Variants in CLCN6 observed in about 807,000 individuals in gnomAD.
CLCN6 encodes the protein Cl-/H+ antiporter 6.
Under a neutral mutation model 109.8 loss-of-function variants are expected in CLCN6, and 70 were observed. The ratio of observed to expected loss-of-function variants is 0.64; its 90% CI spans 0.53 to 0.78. CLCN6 has a LOEUF of 0.78. Among genes scored for constraint, CLCN6 ranks in the 30% least tolerant of loss-of-function variants. The pLI is 0.00. For missense variants in CLCN6, 984 were observed against 1,142.3 expected, an observed-to-expected ratio of 0.86 and a Z score of 2.00; for synonymous variants, 444 against 447.8, an observed-to-expected ratio of 0.99 and a Z score of 0.11.
chr1:11,828,739 A>G (rs1644844846), intron 12 of CLCN6, 115 bp downstream of exon 12: 2 of 1,122,992 alleles, frequency 1.8e-6, no homozygotes, highest in Non-Finnish European at 1.3e-6. Context: ...TTTCTCATCT[A>G]AGACTGAGAA....
At chr1:11,817,768 T>G (rs1157752221) in intron 4 of CLCN6, among the ~76,000 whole-genome samples, 1 of 144,358 alleles carries the variant, frequency 6.9e-6, no homozygotes, top group Non-Finnish European at 1.5e-5. Flanking sequence ...AATGTACACA[T>G]GTGTTCGGTA....
chr1:11,836,485 AAG>A (rs1644951817), intron 18 of CLCN6, among the ~76,000 whole-genome samples: 2 of 152,154 alleles, frequency 1.3e-5, no homozygotes, highest in Non-Finnish European at 2.9e-5. Flanking sequence ...CTCCTTAAGA[AAG>A]AGAAAGAAAT....
At position 11,834,158 on chromosome 1, in the gene CLCN6, A is replaced by C; in HGVS notation, c.1527-78A>C. 1.3e-6 allele frequency: 2 copies of C among 1,595,106 alleles called. No homozygotes were observed. The highest frequency in any genetic ancestry group is 1.7e-6 in the Non-Finnish European group (2 of 1,171,366). On this transcript the variant is annotated intron_variant, in intron 15 of 22. Transcript: ENST00000346436. This position sits in a 1 kb window ranked among gnomAD's most constrained non-coding sequence, Gnocchi z 4.5. ...TGCATGCACATATGTGCATAGGCAC[A>C]AGAGTATGAGCTGTAGGTCCTCCCC...
intron 14 of CLCN6, 48 bp downstream of exon 14, chr1:11,833,686 G>A (rs937451811): frequency 2.1e-5 from 33 of 1,609,392 alleles, no homozygotes; most frequent in East Asian, 8.9e-5. Flanking sequence ...GTGTCATCTC[G>A]GACACAGCCA....
intron 17 of CLCN6, among the ~76,000 whole-genome samples, chr1:11,835,462 A>G (rs918763026): frequency 1.3e-5 from 2 of 152,050 alleles, no homozygotes; most frequent in Non-Finnish European, 2.9e-5. Context: ...TTTTATAGAA[A>G]TGGGGTTTTG....
rs1186965132 is a variant in CLCN6 at position 11,839,611 on chromosome 1, T to TA, written c.2530-531dup. ...AACCCTGGCATGCATAGTGCGTACT[T>TA]ACACAGGTTTTGTTGCAGTAGGTTA... On this transcript the variant is annotated intron_variant, in intron 22 of 22. Coordinates refer to ENST00000346436, the MANE Select transcript of CLCN6 (RefSeq NM_001286.5). Among the ~76,000 whole-genome samples, 5 of 152,362 alleles carry TA rather than the reference T, an allele frequency of 3.3e-5. No homozygotes were observed. The East Asian group carries it at 5.8e-4, about 18-fold the overall frequency.
rs1482046070 is a variant in CLCN6, at chr1:11,837,170, G to A, written c.2138+14G>A. ...GCTGGAAAGGAGGTGAGAGCCTGGC[G>A]GGGCCCCCACTGCCCGCAGGGCTAC... is the stretch of plus-strand genomic sequence containing the variant. On this transcript the variant is annotated intron_variant, in intron 19 of 22. Transcript: ENST00000346436. The A allele has an allele frequency of 2.3e-5, 37 of 1,610,972 alleles. No homozygotes were observed. The highest frequency in any genetic ancestry group is 4.5e-5 in the East Asian group (2 of 44,846).
intron 2 of CLCN6, among the ~76,000 whole-genome samples, chr1:11,811,353 TCA>T (rs1225365756): frequency 3.3e-5 from 5 of 152,278 alleles, no homozygotes; most frequent in African/African-American, 1.2e-4. Context: ...ATTAGTATAT[TCA>T]CAGAGTTGTA....
intron 1 of CLCN6, 22 bp downstream of exon 1, chr1:11,806,371 C>A: frequency 6.7e-7 from 1 of 1,497,888 alleles, no homozygotes; most frequent in South Asian, 1.3e-5. Context: ...GCGGAGTCGG[C>A]CTGGGGAGGG....
chr1:11,825,696 C>A (rs989970564), intron 8 of CLCN6, among the ~76,000 whole-genome samples: 1 of 152,212 alleles, frequency 6.6e-6, no homozygotes, highest in African/African-American at 2.4e-5. Flanking sequence ...CATCTCTGCT[C>A]ACTACAGCCT....
At chr1:11,825,233 G>T (rs931370214) in intron 8 of CLCN6, among the ~76,000 whole-genome samples, 2 of 152,180 alleles carry the variant, frequency 1.3e-5, no homozygotes, top group African/African-American at 4.8e-5. Flanking sequence ...GAGTTATTGT[G>T]GTTGGGAGTC....
chr1:11,828,414 G>A, intron 11 of CLCN6, 44 bp from the exon 12 acceptor site: 2 of 1,609,020 alleles, frequency 1.2e-6, no homozygotes, highest in Non-Finnish European at 1.7e-6. Context: ...GGTTCTCATG[G>A]CTGCTATGGT....
Position 11,806,556 on chromosome 1 carries a change from G to A in CLCN6, c.87+207G>A, listed in dbSNP as rs1262291348. 6.3e-6 allele frequency: 3 copies of A among 475,416 alleles called. No individual in the cohort carries two copies. In the East Asian group the frequency reaches 1.1e-4, roughly 17 times the overall value. The allele number at this position is 475,416 out of a possible 1,614,324, so 29.4% of individuals were successfully genotyped here. A position where few individuals can be genotyped will look rare whatever the true frequency, so the allele number is the denominator to read the frequency against. On this transcript the variant is annotated intron_variant, in intron 1 of 22. Transcript: ENST00000346436. ...CTCATAACCCCTCCTGGAATCTGAG[G>A]GAGAATCCAGGCCAGCTCCAGTAAA...
At chr1:11,835,311 C>T (rs1644930234) in intron 17 of CLCN6, among the ~76,000 whole-genome samples, 1 of 152,282 alleles carries the variant, frequency 6.6e-6, no homozygotes, top group African/African-American at 2.4e-5. Context: ...CTCACTCTGT[C>T]GCCTAGGCTG....
chr1:11,812,690 G>A (rs887378934), intron 2 of CLCN6, among the ~76,000 whole-genome samples: 1 of 151,184 alleles, frequency 6.6e-6, no homozygotes, highest in African/African-American at 2.4e-5. Flanking sequence ...GTGTGTGTGT[G>A]TGTGTGTGTG....
At chr1:11,813,702 A>T (rs1268443430) in intron 2 of CLCN6, among the ~76,000 whole-genome samples, 1 of 152,180 alleles carries the variant, frequency 6.6e-6, no homozygotes. Flanking sequence ...ATCATTTTTT[A>T]AAATATAAAA....
At chr1:11,820,356 A>C in intron 5 of CLCN6, 2 of 715,322 alleles carry the variant, frequency 2.8e-6, no homozygotes, top group Non-Finnish European at 5.2e-6. Context: ...TCATACTATA[A>C]ATAAGATAAA....
chr1:11,834,303 G>A lies in CLCN6; in HGVS notation c.1594G>A (p.Gly532Arg), dbSNP rs140748453. 2.5e-6 allele frequency: 4 copies of A among 1,614,046 alleles called. No homozygotes were observed. Among genetic ancestry groups the A allele is most frequent in the African/African-American group, 1.3e-5 (1 of 75,008 alleles). ...ALIGAAAFLG[G>R]VVRMTISLTV... ...GATTGGTGCAGCGGCTTTCTTGGGC[G>A]GGGTGGTCCGCATGACCATCAGCCT... The change falls in exon 16 of 23, where the codon GGG becomes AGG. Residue 532 changes from glycine (G) to arginine (R), a missense_variant. Gly to Arg is a moderately radical substitution (Grantham distance 125, BLOSUM62 -2). Coordinates refer to ENST00000346436, the MANE Select transcript of CLCN6 (RefSeq NM_001286.5). The surrounding 1 kb of genome is among the most constrained non-coding windows in gnomAD (Gnocchi z 4.5).
intron 8 of CLCN6, among the ~76,000 whole-genome samples, chr1:11,825,395 A>T (rs1644798926): frequency 6.6e-6 from 1 of 152,228 alleles, no homozygotes; most frequent in Admixed American, 6.5e-5. Flanking sequence ...TGTGGGGCAG[A>T]CAGAGGACAG....
Sources: allele counts gnomAD v4.1 joint callset (sites outside exome capture counted in the v4.1 genomes callset), GRCh38; gene constraint gnomAD v4.1.1; non-coding constraint Gnocchi (gnomAD v3.1); transcripts MANE v1.5; gene names NCBI Gene and HGNC (gene_info 2026-07-23, HGNC 2026-07-21).